The following SLIT3 variants were observed in gnomAD, a reference collection of about 807,000 sequenced individuals.
The protein encoded by SLIT3 is slit homolog 3 protein.
Under a neutral mutation model 184.0 loss-of-function variants are expected in SLIT3, and 68 were observed. The observed-to-expected ratio is 0.37, with a 90% CI of 0.30 to 0.45. The LOEUF (loss-of-function observed/expected upper bound fraction) is 0.45, where lower values mean the gene tolerates loss of function less well. Among genes scored for constraint, SLIT3 ranks in the 20% least tolerant of loss-of-function variants. SLIT3 has a pLI of 1.00. For missense variants in SLIT3, 1,707 were observed against 2,026.0 expected (o/e 0.84, Z 3.02); for synonymous variants, 831 against 828.6 (o/e 1.00, Z -0.05).
chr5:168,862,463 T>C (rs917124586), intron 5 of SLIT3, among the ~76,000 whole-genome samples: 13 of 152,228 alleles, frequency 8.5e-5, no homozygotes, highest in Non-Finnish European at 1.8e-4. Flanking sequence ...TTTCAATTCC[T>C]GTGAAATGTA....
At chr5:168,858,458 T>C (rs930246291) in intron 5 of SLIT3, among the ~76,000 whole-genome samples, 1 of 152,256 alleles carries the variant, frequency 6.6e-6, no homozygotes, top group African/African-American at 2.4e-5. Flanking sequence ...TTGGGGAAAG[T>C]AAGGTCCTTT....
chr5:168,903,861 G>T (rs1760954642), intron 4 of SLIT3, among the ~76,000 whole-genome samples: 1 of 152,166 alleles, frequency 6.6e-6, no homozygotes, highest in Non-Finnish European at 1.5e-5. Context: ...TGTCAAATGG[G>T]CATTTCCATA....
chr5:168,781,759 C>T (rs891922), intron 12 of SLIT3, among the ~76,000 whole-genome samples: 140,788 of 152,244 alleles, frequency 0.92, 65,246 homozygotes, highest in African/African-American at 0.98. Flanking sequence ...ATCAAAAAAC[C>T]GGCTCTGCAG....
intron 23 of SLIT3, among the ~76,000 whole-genome samples, chr5:168,715,178 C>T (rs1762680303): frequency 6.6e-6 from 1 of 152,170 alleles, no homozygotes; most frequent in Non-Finnish European, 1.5e-5. Context: ...GCTGTGTGAG[C>T]TGAGACAATT....
chr5:169,083,558 G>A (rs1447946469), intron 4 of SLIT3, among the ~76,000 whole-genome samples: 1 of 152,216 alleles, frequency 6.6e-6, no homozygotes, highest in Non-Finnish European at 1.5e-5. Flanking sequence ...TTGTCCCTGT[G>A]ATCTCCTGCT....
chr5:169,260,814 C>A (rs371555617), intron 1 of SLIT3, among the ~76,000 whole-genome samples: 3 of 152,116 alleles, frequency 2.0e-5, no homozygotes, highest in African/African-American at 7.2e-5. Flanking sequence ...ACAATAGTGG[C>A]GTGGTCTCTG....
chr5:169,085,533 A>G (rs1759258252), intron 4 of SLIT3, among the ~76,000 whole-genome samples: 1 of 152,246 alleles, frequency 6.6e-6, no homozygotes. Flanking sequence ...TTAATTGTCC[A>G]GATCCACCCC....
At chr5:169,166,881 A>G (rs867734103) in intron 4 of SLIT3, among the ~76,000 whole-genome samples, 1 of 152,160 alleles carries the variant, frequency 6.6e-6, no homozygotes, top group African/African-American at 2.4e-5. Flanking sequence ...AATAACAATG[A>G]CTGGCCATGC....
At chr5:169,175,441 C>A (rs765526338) in intron 4 of SLIT3, among the ~76,000 whole-genome samples, 2 of 152,050 alleles carry the variant, frequency 1.3e-5, no homozygotes, top group Non-Finnish European at 2.9e-5. Flanking sequence ...TTAGCTTGAG[C>A]AAATTATTTA....
chr5:169,141,806 C>T (rs1269499468), intron 4 of SLIT3, among the ~76,000 whole-genome samples: 4 of 150,074 alleles, frequency 2.7e-5, no homozygotes, highest in Non-Finnish European at 5.9e-5. Flanking sequence ...AATCCCAGCA[C>T]TTTGAGAGGC....
At chr5:169,008,820 G>A (rs150432847) in intron 4 of SLIT3, among the ~76,000 whole-genome samples, 1 of 152,268 alleles carries the variant, frequency 6.6e-6, no homozygotes, top group African/African-American at 2.4e-5. Context: ...TATTCTGAAA[G>A]CAATAATAGC....
At chr5:169,115,503 A>T (rs1452409971) in intron 4 of SLIT3, among the ~76,000 whole-genome samples, 1 of 152,148 alleles carries the variant, frequency 6.6e-6, no homozygotes, top group Admixed American at 6.5e-5. Context: ...CCCAATATGC[A>T]CACGAGGAAA....
chr5:168,823,345 C>G lies in SLIT3; in HGVS notation c.558-14G>C, dbSNP rs924875. On this transcript the variant is annotated splice_polypyrimidine_tract_variant and intron_variant, in intron 6 of 35. Transcript: ENST00000519560. ...TTGTTGAGGGTACTGTGGAGATAGACAAGGGAGATGGTCAGCCAGGCAGCA... is the reference window on the plus strand; with the variant it reads ...TTGTTGAGGGTACTGTGGAGATAGAGAAGGGAGATGGTCAGCCAGGCAGCA... The G allele has an allele frequency of 0.39, 622,361 of 1,602,890 alleles. 128,316 individuals are homozygous for G. The highest frequency in any genetic ancestry group is 0.79 in the African/African-American group (58,555 of 74,586).
At chr5:169,134,519 C>T (rs1761424788) in intron 4 of SLIT3, among the ~76,000 whole-genome samples, 1 of 152,186 alleles carries the variant, frequency 6.6e-6, no homozygotes, top group Admixed American at 6.5e-5. Flanking sequence ...TTAAACTGTG[C>T]ATCCTCAGGG....
At chr5:168,962,141 G>T (rs1268833862) in intron 4 of SLIT3, among the ~76,000 whole-genome samples, 1 of 152,116 alleles carries the variant, frequency 6.6e-6, no homozygotes, top group Admixed American at 6.6e-5. Context: ...GTACCCATGG[G>T]TGGGGGTGGG....
At chr5:169,249,312 G>A (rs758206505) in intron 2 of SLIT3, among the ~76,000 whole-genome samples, 3 of 152,048 alleles carry the variant, frequency 2.0e-5, no homozygotes, top group Non-Finnish European at 4.4e-5. Context: ...TGGGGGGTAG[G>A]GGAAGGCTTT....
At chr5:169,088,373 C>G (rs1393454383) in intron 4 of SLIT3, among the ~76,000 whole-genome samples, 1 of 151,926 alleles carries the variant, frequency 6.6e-6, no homozygotes, top group East Asian at 1.9e-4. Flanking sequence ...CCTCCTACTC[C>G]CCTGTCAAAG....
At position 169,245,226 on chromosome 5, in the gene SLIT3, C is replaced by T. The variant is rs542839886; in HGVS notation, c.270-450G>A. On this transcript the variant is annotated intron_variant, in intron 2 of 35. Coordinates refer to ENST00000519560, the MANE Select transcript of SLIT3 (RefSeq NM_003062.4). ...AGGCTATTGTGAAACGACTGGCTGT[C>T]GCTAAGAAAACCAGCCTGGTCCCAG... Among the ~76,000 whole-genome samples, 33 of 152,210 alleles carry T rather than the reference C, an allele frequency of 2.2e-4. 1 individual carries two copies. In the South Asian group the frequency reaches 6.9e-3, roughly 32 times the overall value.
chr5:168,910,962 A>G (rs1761233434), intron 4 of SLIT3, among the ~76,000 whole-genome samples: 1 of 152,026 alleles, frequency 6.6e-6, no homozygotes, highest in South Asian at 2.1e-4. Flanking sequence ...TTGTAAAGAA[A>G]ACACTCATGA....
Sources: gnomAD v4.1 joint callset for allele counts (sites outside exome capture counted in the v4.1 genomes callset) on GRCh38, gnomAD v4.1.1 for gene constraint, MANE v1.5 for transcripts, NCBI Gene and HGNC (gene_info 2026-07-23, HGNC 2026-07-21) for gene names.